The following PIK3C2G variants were observed in gnomAD, a reference collection of about 807,000 sequenced individuals.
PIK3C2G encodes the protein phosphatidylinositol 3-kinase C2 domain-containing subunit gamma.
A neutral mutation model predicts 181.1 loss-of-function variants in PIK3C2G; 168 were observed. The observed-to-expected ratio is 0.93, with a 90% CI of 0.82 to 1.05. The LOEUF (loss-of-function observed/expected upper bound fraction) is 1.05, where lower values mean the gene tolerates loss of function less well. Among genes scored for constraint, PIK3C2G ranks in the 50% least tolerant of loss-of-function variants. The pLI, the probability that PIK3C2G is intolerant of heterozygous loss-of-function variation, is 0.00. For synonymous variants in PIK3C2G, 573 were observed against 592.2 expected (o/e 0.97, Z 0.47); for missense variants, 1,869 against 1,732.8 (o/e 1.08, Z -1.40).
chr12:18,293,673 T>A (rs1372873791), intron 4 of PIK3C2G, among the ~76,000 whole-genome samples: 2 of 152,142 alleles, frequency 1.3e-5, no homozygotes, highest in Admixed American at 1.3e-4. Context: ...CTTTGTTATA[T>A]CACATGAAAG....
rs1949257044 is a variant in PIK3C2G, at chr12:18,282,373, T to C, written c.292T>C (p.Trp98Arg). Residue 98 changes from tryptophan (W) to arginine (R), a missense_variant, in exon 2 of 33, where the codon TGG becomes CGG. Transcript: ENST00000538779. ...EFTSKSRELS[W>R]HQVSKAPAIG... The stretch of plus-strand genomic sequence containing the variant: ...CACTTCTAAAAGCCGTGAACTCTCC[T>C]GGCATCAAGTTAGCAAAGCACCAGC... 6.2e-7 allele frequency: 1 copy of C among 1,613,672 alleles called. No homozygotes were observed.
At chr12:18,423,805 A>G in intron 17 of PIK3C2G, 140 bp from the exon 18 acceptor site, 1 of 618,558 alleles carries the variant, frequency 1.6e-6, no homozygotes, top group South Asian at 1.9e-5. Flanking sequence ...CCGACTCATA[A>G]AATCATCGAA....
At chr12:18,493,977 C>A (rs1330361498) in intron 20 of PIK3C2G, among the ~76,000 whole-genome samples, 2 of 152,190 alleles carry the variant, frequency 1.3e-5, no homozygotes, top group Admixed American at 1.3e-4. Flanking sequence ...GAATGCAATT[C>A]TTCCCCACTA....
At chr12:18,346,185 A>G (rs991241202) in intron 10 of PIK3C2G, among the ~76,000 whole-genome samples, 1 of 152,214 alleles carries the variant, frequency 6.6e-6, no homozygotes, top group Non-Finnish European at 1.5e-5. Context: ...CACATTGTAT[A>G]TGATTAGTGT....
At position 18,497,630 on chromosome 12, in the gene PIK3C2G, T is replaced by C; in HGVS notation, c.2898T>C (p.Asp966=). The C allele has an allele frequency of 6.2e-7, 1 of 1,612,418 alleles. No individual in the cohort carries two copies. Among genetic ancestry groups the C allele is most frequent in the South Asian group, 1.1e-5 (1 of 90,864 alleles). The part of the protein sequence containing the change: ...NISIIFKAGD[D]LRQDMLVLQL... ...TTTGTTTTTAACAGGCTGGAGATGA[T>C]CTTCGTCAGGATATGCTTGTTCTGC... Residue 966 remains aspartate (D), a synonymous_variant, in exon 22 of 33, where the codon GAT becomes GAC. Transcript: ENST00000538779.
At chr12:18,670,528 T>C in the PIK3C2G span, among the ~76,000 whole-genome samples, 1 of 152,198 alleles carries the variant, frequency 6.6e-6, no homozygotes, top group Non-Finnish European at 1.5e-5. Context: ...TTAATCTTAT[T>C]GTCTTCATCT....
Position 18,371,313 on chromosome 12 carries a change from T to A in PIK3C2G, c.1880+2T>A, listed in dbSNP as rs2137877768. On this transcript the variant is annotated splice_donor_variant, in intron 13 of 32. Transcript: ENST00000538779. LOFTEE classifies it high-confidence loss of function. ...TTGTCTTCCACTGTTTCCAAAAGAG[T>A]AAGTGTATCAATTGTGAGTAATAAG... The A allele has an allele frequency of 6.2e-7, 1 of 1,603,560 alleles. No homozygotes were observed. The highest frequency in any genetic ancestry group is 2.2e-5 in the East Asian group (1 of 44,560).
At chr12:18,287,690 T>C (rs531550650) in intron 3 of PIK3C2G, among the ~76,000 whole-genome samples, 1 of 148,982 alleles carries the variant, frequency 6.7e-6, no homozygotes, top group East Asian at 2.0e-4. Flanking sequence ...ACCCTGTCTC[T>C]ACTAAAAATA....
At chr12:18,542,007 A>AGT (rs1238085615) in intron 25 of PIK3C2G, among the ~76,000 whole-genome samples, 1 of 151,776 alleles carries the variant, frequency 6.6e-6, no homozygotes, top group Non-Finnish European at 1.5e-5. Context: ...CTTGGCAGCT[A>AGT]GTGTGTGACA....
At chr12:18,635,452 AT>A (rs903217597) in intron 31 of PIK3C2G, among the ~76,000 whole-genome samples, 47 of 152,154 alleles carry the variant, frequency 3.1e-4, no homozygotes, top group Admixed American at 2.9e-3. Context: ...TGCCCATCCA[AT>A]TCGTGATGGG....
At chr12:18,708,437 T>A in the PIK3C2G span, among the ~76,000 whole-genome samples, 1 of 152,228 alleles carries the variant, frequency 6.6e-6, no homozygotes, top group Non-Finnish European at 1.5e-5. Flanking sequence ...TGTTTCCATA[T>A]CATGTCTATT....
At chr12:18,384,420 T>C (rs1020971025) in intron 14 of PIK3C2G, among the ~76,000 whole-genome samples, 1 of 152,198 alleles carries the variant, frequency 6.6e-6, no homozygotes, top group Non-Finnish European at 1.5e-5. Context: ...TGTGTAAGTG[T>C]AGATATAAGT....
intron 29 of PIK3C2G, among the ~76,000 whole-genome samples, chr12:18,585,707 G>A (rs188049775): frequency 6.9e-4 from 105 of 152,198 alleles, no homozygotes; most frequent in East Asian, 3.9e-4. Context: ...TCTAACAGAC[G>A]TCTTTGGAAT....
chr12:18,496,037 G>A, intron 20 of PIK3C2G, 25 bp from the exon 21 acceptor site: 1 of 1,296,738 alleles, frequency 7.7e-7, no homozygotes, highest in South Asian at 1.4e-5. Context: ...TTGCTCACTA[G>A]TTTTCCCTTT....
intron 18 of PIK3C2G, among the ~76,000 whole-genome samples, chr12:18,428,289 G>T (rs1480645272): frequency 1.4e-5 from 2 of 141,446 alleles, no homozygotes; most frequent in African/African-American, 5.2e-5. Flanking sequence ...CACGATTCAT[G>T]AAAAAAAAAT....
At chr12:18,514,180 T>C (rs1456914949) in intron 24 of PIK3C2G, among the ~76,000 whole-genome samples, 4 of 151,904 alleles carry the variant, frequency 2.6e-5, no homozygotes, top group African/African-American at 9.7e-5. Flanking sequence ...TTTTACAGCA[T>C]TGTGATCCAA....
intron 18 of PIK3C2G, among the ~76,000 whole-genome samples, chr12:18,465,016 A>T (rs562487268): frequency 2.4e-4 from 37 of 151,478 alleles, no homozygotes; most frequent in Middle Eastern, 6.9e-3. Context: ...ACATTTGTAA[A>T]CTCTCTAATC....
chr12:18,582,523 G>T (rs1341030381), intron 29 of PIK3C2G, among the ~76,000 whole-genome samples: 1 of 152,154 alleles, frequency 6.6e-6, no homozygotes, highest in East Asian at 1.9e-4. Flanking sequence ...AGCAAAAGTG[G>T]CTGCAACTCT....
the PIK3C2G span, chr12:18,712,807 T>TA: frequency 6.2e-7 from 1 of 1,606,480 alleles, no homozygotes; most frequent in Non-Finnish European, 8.5e-7. Flanking sequence ...TGCTTCTGTT[T>TA]AAATAGCTAC....
Sources: gnomAD v4.1 joint callset for allele counts (sites outside exome capture counted in the v4.1 genomes callset) on GRCh38, gnomAD v4.1.1 for gene constraint, MANE v1.5 for transcripts, NCBI Gene and HGNC (gene_info 2026-07-23, HGNC 2026-07-21) for gene names.